Variants in ADCY9 observed in about 807,000 individuals in gnomAD.
The protein encoded by ADCY9 is adenylate cyclase type 9.
ADCY9 carries 50 observed loss-of-function variants against 101.5 expected under a neutral mutation model. The observed-to-expected ratio is 0.49, with a 90% CI of 0.39 to 0.62. The LOEUF is 0.62. Ranked by LOEUF, ADCY9 falls within the 20% of genes least tolerant of loss-of-function variation. The pLI is 0.00. For synonymous variants in ADCY9, 905 were observed against 769.3 expected (o/e 1.18, Z -2.92); for missense variants, 1,662 against 1,800.4 (o/e 0.92, Z 1.39).
At chr16:4,021,636 T>G (rs2056477804) in intron 2 of ADCY9, among the ~76,000 whole-genome samples, 2 of 152,222 alleles carry the variant, frequency 1.3e-5, no homozygotes, top group South Asian at 4.1e-4. Context: ...GGCCACCCCC[T>G]GCAGCTGACT....
intron 2 of ADCY9, among the ~76,000 whole-genome samples, chr16:4,040,064 G>T (rs1343890233): frequency 6.6e-6 from 1 of 151,954 alleles, no homozygotes; most frequent in Admixed American, 6.6e-5. Flanking sequence ...GAAAACAAGA[G>T]AAGAGAAGAG....
At chr16:4,093,229 T>C (rs2056984026) in intron 2 of ADCY9, among the ~76,000 whole-genome samples, 1 of 152,208 alleles carries the variant, frequency 6.6e-6, no homozygotes, top group South Asian at 2.1e-4. Flanking sequence ...ATCCAGAAAG[T>C]GCTATCACTG....
chr16:3,956,657 A>C (rs1042710029), intron 5 of ADCY9, among the ~76,000 whole-genome samples: 1 of 139,674 alleles, frequency 7.2e-6, no homozygotes, highest in Non-Finnish European at 1.5e-5. Flanking sequence ...CACCTGGCTA[A>C]TTTTTTTTTT....
chr16:4,114,866 GGAACTGCGCAGCCAGGGTCAGGGC>G lies in ADCY9; in HGVS notation c.553_576del (p.Ala185_Phe192del). On this transcript the variant is annotated inframe_deletion, in exon 2 of 11. Coordinates refer to ENST00000294016, the MANE Select transcript of ADCY9 (RefSeq NM_001116.4). This position sits in a 1 kb window ranked among gnomAD's most constrained non-coding sequence, Gnocchi z 4.3. ...CGTCCTGAGACAGGCGTCAAGACCT[GGAACTGCGCAGCCAGGGTCAGGGC>G]GAACACCAGCAGGGTGAGAGCCAGC... 6.2e-7 allele frequency: 1 copy of G among 1,613,702 alleles called. No homozygotes were observed. Among genetic ancestry groups the G allele is most frequent in the Non-Finnish European group, 8.5e-7 (1 of 1,180,044 alleles).
chr16:3,989,427 G>A (rs1357305859), intron 5 of ADCY9, among the ~76,000 whole-genome samples: 21 of 152,018 alleles, frequency 1.4e-4, no homozygotes, highest in Admixed American at 1.3e-3. Flanking sequence ...CCAGGCTGGA[G>A]TGCAATGGCG....
At chr16:3,956,509 G>GGA (rs56047051) in intron 5 of ADCY9, among the ~76,000 whole-genome samples, 41,124 of 70,014 alleles carry the variant, frequency 0.59, 9,751 homozygotes, top group Non-Finnish European at 0.64. Context: ...TTTTTGGGGG[G>GGA]GGATGGAGTC....
chr16:4,069,807 A>G (rs2056822355), intron 2 of ADCY9, among the ~76,000 whole-genome samples: 1 of 152,186 alleles, frequency 6.6e-6, no homozygotes, highest in African/African-American at 2.4e-5. Context: ...TAAAAAGTAT[A>G]TAATGCGGCC....
intron 6 of ADCY9, among the ~76,000 whole-genome samples, chr16:3,986,147 G>A (rs2056191300): frequency 6.6e-6 from 1 of 152,238 alleles, no homozygotes; most frequent in Non-Finnish European, 1.5e-5. Flanking sequence ...ACCATGATTA[G>A]CTATGATACC....
chr16:3,992,315 G>A lies in ADCY9; in HGVS notation c.2038C>T (p.Pro680Ser). 1 of 1,614,144 alleles carries A rather than the reference G, an allele frequency of 6.2e-7. No homozygotes were observed. The highest frequency in any genetic ancestry group is 8.5e-7 in the Non-Finnish European group (1 of 1,180,028). ...CTGTTGGTGAGCTTCTCCTCTTGGG[G>A]AGGGCTGAGGAGCCCGTTCTGAGTT... ...PKTQNGLLSP[P>S]QEEKLTNSQT... The change falls in exon 5 of 11, where the codon CCC becomes TCC. Residue 680 changes from proline to serine, a missense_variant. This residue lies in a region of ADCY9 where 624 missense variants were observed against 639.1 expected (regional missense o/e 0.98). Coordinates refer to ENST00000294016, the MANE Select transcript of ADCY9 (RefSeq NM_001116.4). This position sits in a 1 kb window ranked among gnomAD's most constrained non-coding sequence, Gnocchi z 4.2.
At chr16:3,990,218 A>C (rs8044170) in intron 5 of ADCY9, among the ~76,000 whole-genome samples, 138,226 of 152,216 alleles carry the variant, frequency 0.91, 62,918 homozygotes, top group Non-Finnish European at 0.94. Context: ...TAATCCCCAG[A>C]CCTTTGGGAG....
At chr16:3,974,615 G>A (rs758085562) in intron 10 of ADCY9, 54 bp downstream of exon 10, 84 of 1,453,358 alleles carry the variant, frequency 5.8e-5, no homozygotes, top group Non-Finnish European at 7.7e-5. Context: ...AAATGGGCAG[G>A]GTAATACAGT....
chr16:4,048,809 G>T (rs1433528451), intron 2 of ADCY9, among the ~76,000 whole-genome samples: 1 of 151,978 alleles, frequency 6.6e-6, no homozygotes, highest in Non-Finnish European at 1.5e-5. Flanking sequence ...ACTCTAGTAG[G>T]GCTGCTCAAG....
chr16:4,109,307 G>A (rs1025160507), intron 2 of ADCY9, among the ~76,000 whole-genome samples: 1 of 152,158 alleles, frequency 6.6e-6, no homozygotes. Context: ...ACGGCTCTCT[G>A]CAACCTCGAC....
At chr16:4,008,085 G>C (rs1266309305) in intron 2 of ADCY9, among the ~76,000 whole-genome samples, 2 of 151,952 alleles carry the variant, frequency 1.3e-5, no homozygotes, top group Non-Finnish European at 2.9e-5. Context: ...AACCTCCCCA[G>C]ACTCAGAGCT....
At chr16:4,074,187 C>T (rs756448815) in intron 2 of ADCY9, among the ~76,000 whole-genome samples, 2 of 151,774 alleles carry the variant, frequency 1.3e-5, no homozygotes, top group African/African-American at 4.8e-5. Context: ...TATTATGACA[C>T]TATTAGCATC....
chr16:4,104,421 A>G (rs2057063094), intron 2 of ADCY9, among the ~76,000 whole-genome samples: 1 of 152,214 alleles, frequency 6.6e-6, no homozygotes, highest in Non-Finnish European at 1.5e-5. Flanking sequence ...CAGATTCCAT[A>G]TTGCAACTAA....
intron 2 of ADCY9, among the ~76,000 whole-genome samples, chr16:4,084,402 G>A (rs1045760558): frequency 6.6e-5 from 10 of 151,960 alleles, no homozygotes; most frequent in Non-Finnish European, 1.3e-4. Flanking sequence ...CTGAGCCACC[G>A]GGCCCAGCCT....
At chr16:4,099,042 C>T (rs1288416999) in intron 2 of ADCY9, among the ~76,000 whole-genome samples, 5 of 152,126 alleles carry the variant, frequency 3.3e-5, no homozygotes, top group Admixed American at 6.6e-5. Flanking sequence ...AAACAATTCT[C>T]CTGCCTCAGT....
intron 2 of ADCY9, among the ~76,000 whole-genome samples, chr16:4,052,976 A>G (rs1251475428): frequency 2.6e-5 from 4 of 152,340 alleles, no homozygotes; most frequent in African/African-American, 9.6e-5. Context: ...GACTCACAAG[A>G]GTCACATGCT....
Sources: allele counts gnomAD v4.1 joint callset (sites outside exome capture counted in the v4.1 genomes callset), GRCh38; gene constraint gnomAD v4.1.1; regional missense constraint gnomAD v4.1.1; non-coding constraint Gnocchi (gnomAD v3.1); transcripts MANE v1.5; gene names NCBI Gene and HGNC (gene_info 2026-07-23, HGNC 2026-07-21).